PCDHGA8: variants seen among roughly 807,000 people sequenced by gnomAD.
The protein encoded by PCDHGA8 is protocadherin gamma-A8.
In PCDHGA8, 45 loss-of-function variants were observed where a neutral mutation model predicts 59.2. The ratio of observed to expected loss-of-function variants is 0.76; its 90% confidence interval spans 0.60 to 0.98. The LOEUF is 0.98. Ranked by LOEUF, PCDHGA8 falls within the 50% of genes least tolerant of loss-of-function variation. The pLI, the probability that PCDHGA8 is intolerant of heterozygous loss-of-function variation, is 0.00. For missense variants in PCDHGA8, 1,257 were observed against 1,196.2 expected (o/e 1.05, Z -0.75); for synonymous variants, 531 against 519.0 (o/e 1.02, Z -0.32).
chr5:141,409,927 C>T, intron 1 of PCDHGA8: 5 of 1,613,342 alleles, frequency 3.1e-6, no homozygotes, highest in Middle Eastern at 1.6e-4. Flanking sequence ...CCGCGTTCTT[C>T]GATATGGTAC....
intron 2 of PCDHGA8, among the ~76,000 whole-genome samples, chr5:141,504,451 G>A (rs2099838355): frequency 1.3e-5 from 2 of 152,070 alleles, no homozygotes; most frequent in South Asian, 4.2e-4. Context: ...CTAGTGCCAT[G>A]TGGGGCAGCC....
Position 141,415,225 on chromosome 5 carries a change from T to C in PCDHGA8, c.2424+19988T>C, listed in dbSNP as rs189700811. On this transcript the variant is annotated intron_variant, in intron 1 of 3. Transcript: ENST00000398604. ...CCTGGCGGACCTCGGCAGCTTCGAG[T>C]CTCCAGCTAACTCTGAAACCTCAGA... 12,267 of 1,614,024 alleles carry C rather than the reference T, an allele frequency of 7.6e-3. 74 individuals carry two copies. Among genetic ancestry groups the C allele is most frequent in the Non-Finnish European group, 9.2e-3 (10,854 of 1,180,002 alleles).
chr5:141,503,222 G>C (rs540244346), intron 2 of PCDHGA8, among the ~76,000 whole-genome samples: 1 of 152,120 alleles, frequency 6.6e-6, no homozygotes, highest in Middle Eastern at 3.4e-3. Context: ...CATGAGCACC[G>C]TAAAGATGGA....
Position 141,506,991 on chromosome 5 carries a change from C to T in PCDHGA8, c.2572+1510C>T, listed in dbSNP as rs190455068. 3 of 152,366 alleles carry T rather than the reference C, an allele frequency of 2.0e-5. No homozygotes were observed. In the East Asian group the frequency reaches 5.8e-4, roughly 29 times the overall value. The allele number at this position is 152,366 out of a possible 1,614,324, so 9.4% of individuals were successfully genotyped here. A position where few individuals can be genotyped will look rare whatever the true frequency, so the allele number is the denominator to read the frequency against. The stretch of plus-strand genomic sequence containing the variant: ...TGCAAGGCAGGTCTGATTTCTCACA[C>T]TCGACAGATGAGAGAACCGAGAAGG... On this transcript the variant is annotated intron_variant, in intron 3 of 3. Coordinates refer to ENST00000398604, the MANE Select transcript of PCDHGA8 (RefSeq NM_032088.2).
At chr5:141,423,563 C>G (rs745802952) in intron 1 of PCDHGA8, 3 of 1,613,550 alleles carry the variant, frequency 1.9e-6, no homozygotes, top group Admixed American at 1.7e-5. Flanking sequence ...TATGGGGACA[C>G]GCTCATCAGC....
chr5:141,481,179 T>C (rs115525079), intron 1 of PCDHGA8, among the ~76,000 whole-genome samples: 16 of 152,358 alleles, frequency 1.1e-4, no homozygotes, highest in African/African-American at 3.6e-4. Flanking sequence ...TCCAGCTTTA[T>C]TGGGCCAGGC....
In PCDHGA8 at chr5:141,432,262, A is replaced by G; in HGVS notation, c.2424+37025A>G. 1.9e-6 allele frequency: 3 copies of G among 1,614,222 alleles called. No homozygotes were observed. Among genetic ancestry groups the G allele is most frequent in the Non-Finnish European group, 2.5e-6 (3 of 1,180,036 alleles). On this transcript the variant is annotated intron_variant, in intron 1 of 3. Coordinates refer to ENST00000398604, the MANE Select transcript of PCDHGA8 (RefSeq NM_032088.2). This position sits in a 1 kb window ranked among gnomAD's most constrained non-coding sequence, Gnocchi z 6.0. ...AGAACACCATCCAAGGGGCAAGCCT[A>G]TCGTCCTACGTGTCCATCAACTCCG...
Position 141,399,593 on chromosome 5 carries a change from C to A in PCDHGA8, c.2424+4356C>A, listed in dbSNP as rs201515317. 170 of 1,613,988 alleles carry A rather than the reference C, an allele frequency of 1.1e-4. 1 individual carries two copies. The African/African-American group carries it at 1.5e-3, about 14-fold the overall frequency. On this transcript the variant is annotated intron_variant, in intron 1 of 3. Coordinates refer to ENST00000398604, the MANE Select transcript of PCDHGA8 (RefSeq NM_032088.2). Reference sequence around the variant, plus strand: ...GGCCAAGTCTCCTACTCTATCATGGCCAGCGACCTAGAGCCTCTGGCACTG... The same window carrying A: ...GGCCAAGTCTCCTACTCTATCATGGACAGCGACCTAGAGCCTCTGGCACTG...
chr5:141,449,592 A>C (rs1344646010), intron 1 of PCDHGA8, among the ~76,000 whole-genome samples: 1 of 150,266 alleles, frequency 6.7e-6, no homozygotes, highest in African/African-American at 2.4e-5. Context: ...CTGTCTCAAA[A>C]AAAAAAAAAA....
At chr5:141,510,277 A>C (rs1242709133) in intron 3 of PCDHGA8, among the ~76,000 whole-genome samples, 5 of 151,916 alleles carry the variant, frequency 3.3e-5, no homozygotes, top group Admixed American at 2.6e-4. Flanking sequence ...CATCTTAAAA[A>C]AAAAAAAAAA....
chr5:141,402,789 T>C (rs1047869740), intron 1 of PCDHGA8: 2 of 952,520 alleles, frequency 2.1e-6, no homozygotes, highest in South Asian at 4.2e-5. Context: ...GTTCTGCGGC[T>C]ACACAAAACC....
In PCDHGA8 at chr5:141,394,855, C is replaced by T. The variant is rs1201168639; in HGVS notation, c.2042C>T (p.Ser681Leu). 2 of 1,613,778 alleles carry T rather than the reference C, an allele frequency of 1.2e-6. No homozygotes were observed. Among genetic ancestry groups the T allele is most frequent in the African/African-American group, 1.3e-5 (1 of 75,036 alleles). ...VLTELGSLKP[S>L]VDPNDSSLTL... ...ACCGAGTTGGGCAGTCTGAAGCCTT[C>T]GGTCGACCCGAACGATTCGAGCCTT... The change falls in exon 1 of 4, where the codon TCG becomes TTG. Residue 681 changes from serine to leucine, a missense_variant. Physicochemically the swap from Ser to Leu is moderately radical, Grantham distance 145 (BLOSUM62 -2). Transcript: ENST00000398604.
At chr5:141,418,946 G>A in intron 1 of PCDHGA8, 3 of 1,614,018 alleles carry the variant, frequency 1.9e-6, no homozygotes, top group South Asian at 1.1e-5. Flanking sequence ...TTCCCCTCCA[G>A]GAGTGGTTGT....
intron 1 of PCDHGA8, chr5:141,409,000 C>CACTG: frequency 6.2e-7 from 1 of 1,613,950 alleles, no homozygotes; most frequent in Non-Finnish European, 8.5e-7. Flanking sequence ...AAGTGACAGC[C>CACTG]ACTGACCAGG....
chr5:141,449,098 G>A (rs1314761371), intron 1 of PCDHGA8, among the ~76,000 whole-genome samples: 1 of 152,140 alleles, frequency 6.6e-6, no homozygotes, highest in Admixed American at 6.5e-5. Context: ...TTTTACATAT[G>A]CAGTATATCT....
intron 1 of PCDHGA8, chr5:141,405,186 G>A (rs762537440): frequency 6.2e-6 from 10 of 1,612,892 alleles, no homozygotes; most frequent in Non-Finnish European, 8.5e-6. Context: ...GGTGTAGATG[G>A]GGTTCGAGCT....
intron 1 of PCDHGA8, chr5:141,419,779 GCGCCTGCTAGT>G: frequency 6.2e-7 from 1 of 1,614,064 alleles, no homozygotes; most frequent in Non-Finnish European, 8.5e-7. Flanking sequence ...CGGTCCGCCA[GCGCCTGCTAGT>G]CGCTGTAAGA....
chr5:141,397,862 G>A (rs956658469), intron 1 of PCDHGA8: 5 of 566,952 alleles, frequency 8.8e-6, no homozygotes, highest in African/African-American at 7.5e-5. Flanking sequence ...TAGTTTCCTA[G>A]TGCTGACTCT....
chr5:141,410,189 G>T, intron 1 of PCDHGA8: 1 of 1,613,992 alleles, frequency 6.2e-7, no homozygotes, highest in Non-Finnish European at 8.5e-7. Flanking sequence ...GCTTCATCTG[G>T]TCTTCGCAGA....
Sources: allele counts gnomAD v4.1 joint callset (sites outside exome capture counted in the v4.1 genomes callset), GRCh38; gene constraint gnomAD v4.1.1; non-coding constraint Gnocchi (gnomAD v3.1); transcripts MANE v1.5; gene names NCBI Gene and HGNC (gene_info 2026-07-23, HGNC 2026-07-21).